Variants in SPAG16 observed in about 807,000 individuals in gnomAD.
SPAG16 encodes the protein sperm-associated antigen 16 protein.
In SPAG16, 86 loss-of-function variants were observed where a neutral mutation model predicts 80.4. That is an observed-to-expected ratio of 1.07 (90% CI 0.90 to 1.28). The LOEUF (loss-of-function observed/expected upper bound fraction) is 1.28. Ranked by LOEUF, SPAG16 falls within the 50% of genes most tolerant of loss-of-function variation. The probability of loss-of-function intolerance (pLI) is 0.00; values close to 1 mark genes in which losing one functional copy is unlikely to be tolerated. For synonymous variants in SPAG16, 294 were observed against 265.9 expected, an observed-to-expected ratio of 1.11 and a Z score of -1.03; for missense variants, 870 against 765.3, an observed-to-expected ratio of 1.14 and a Z score of -1.61.
chr2:213,645,400 C>A (rs2062783225), intron 10 of SPAG16, among the ~76,000 whole-genome samples: 1 of 152,116 alleles, frequency 6.6e-6, no homozygotes, highest in African/African-American at 2.4e-5. Context: ...TCACCCAAAG[C>A]CCTTGATGCA....
chr2:214,170,112 C>T (rs1394008283), intron 15 of SPAG16, among the ~76,000 whole-genome samples: 1 of 151,636 alleles, frequency 6.6e-6, no homozygotes, highest in African/African-American at 2.4e-5. Flanking sequence ...GTTCAGTTAG[C>T]AAAAATATCA....
intron 15 of SPAG16, among the ~76,000 whole-genome samples, chr2:214,323,461 A>G (rs987428726): frequency 1.3e-5 from 2 of 152,204 alleles, no homozygotes; most frequent in Admixed American, 6.5e-5. Context: ...AATAGGACAT[A>G]TTTTAACTAC....
chr2:214,257,200 TA>T (rs550956823), intron 15 of SPAG16, among the ~76,000 whole-genome samples: 130 of 151,776 alleles, frequency 8.6e-4, no homozygotes, highest in African/African-American at 2.5e-3. Context: ...GCTGCTAGTA[TA>T]AAAAAAATGT....
intron 10 of SPAG16, among the ~76,000 whole-genome samples, chr2:213,770,622 C>A (rs1193860657): frequency 2.6e-5 from 4 of 152,046 alleles, no homozygotes; most frequent in Non-Finnish European, 5.9e-5. Flanking sequence ...CCCCTAACAC[C>A]CCCTTGACAG....
intron 11 of SPAG16, among the ~76,000 whole-genome samples, chr2:213,879,404 C>T (rs62192605): frequency 0.59 from 88,989 of 150,022 alleles, 28,167 homozygotes; most frequent in South Asian, 0.85. Context: ...TGTGTATATA[C>T]ATATACACAC....
intron 15 of SPAG16, among the ~76,000 whole-genome samples, chr2:214,290,928 C>T (rs1056139431): frequency 1.3e-5 from 2 of 152,102 alleles, no homozygotes; most frequent in South Asian, 4.1e-4. Context: ...TCTACTGTTT[C>T]TATTAAAAGT....
intron 10 of SPAG16, among the ~76,000 whole-genome samples, chr2:213,695,345 G>T (rs2065115114): frequency 6.6e-6 from 1 of 152,126 alleles, no homozygotes. Flanking sequence ...CTATGTTCAG[G>T]ATAATTCCTT....
chr2:214,187,695 A>G (rs187619935), intron 15 of SPAG16, among the ~76,000 whole-genome samples: 1 of 152,232 alleles, frequency 6.6e-6, no homozygotes, highest in African/African-American at 2.4e-5. Context: ...AACAAACCTC[A>G]GGTTAAGACA....
chr2:213,287,447 T>C (rs2062095837), intron 1 of SPAG16, among the ~76,000 whole-genome samples: 1 of 152,226 alleles, frequency 6.6e-6, no homozygotes, highest in Non-Finnish European at 1.5e-5. Flanking sequence ...ATTGACTTTG[T>C]TGTTCCTTGT....
intron 10 of SPAG16, among the ~76,000 whole-genome samples, chr2:213,769,169 G>A (rs528570660): frequency 1.3e-5 from 2 of 152,298 alleles, no homozygotes; most frequent in African/African-American, 4.8e-5. Context: ...GTTGAATGAG[G>A]AATTGGGGTG....
At chr2:213,498,858 G>T (rs1400202122) in intron 10 of SPAG16, among the ~76,000 whole-genome samples, 3 of 152,018 alleles carry the variant, frequency 2.0e-5, no homozygotes, top group Non-Finnish European at 4.4e-5. Context: ...TGTCCAAAAT[G>T]AGTTGTTCAG....
chr2:214,173,993 G>T (rs1423680709), intron 15 of SPAG16, among the ~76,000 whole-genome samples: 1 of 151,924 alleles, frequency 6.6e-6, no homozygotes, highest in Non-Finnish European at 1.5e-5. Context: ...TATCTCAATA[G>T]ATGCAGAAAA....
At chr2:214,003,223 A>T (rs2046875255) in intron 12 of SPAG16, among the ~76,000 whole-genome samples, 1 of 152,226 alleles carries the variant, frequency 6.6e-6, no homozygotes, top group African/African-American at 2.4e-5. Flanking sequence ...ACAGAAATGG[A>T]CTTATCTGAC....
chr2:213,601,580 A>G (rs1170799285), intron 10 of SPAG16, among the ~76,000 whole-genome samples: 2 of 152,232 alleles, frequency 1.3e-5, no homozygotes, highest in Admixed American at 6.5e-5. Context: ...GTAAAAAAGT[A>G]TGATCAACTC....
chr2:213,788,636 A>G (rs924508715), intron 10 of SPAG16, among the ~76,000 whole-genome samples: 5 of 151,942 alleles, frequency 3.3e-5, no homozygotes, highest in Admixed American at 2.0e-4. Flanking sequence ...CTGATATGCT[A>G]AATTTCACAG....
intron 10 of SPAG16, among the ~76,000 whole-genome samples, chr2:213,528,602 T>C (rs766879134): frequency 2.6e-5 from 4 of 152,108 alleles, no homozygotes; most frequent in Admixed American, 6.6e-5. Context: ...CTACTGAAGA[T>C]ATTTTAAGTA....
chr2:213,314,431 C>T (rs1476871748), intron 4 of SPAG16, among the ~76,000 whole-genome samples: 2 of 151,634 alleles, frequency 1.3e-5, no homozygotes, highest in Non-Finnish European at 3.0e-5. Context: ...CAAACTGAAG[C>T]AAACCACAAA....
At chr2:213,935,179 GC>G (rs1257668985) in intron 12 of SPAG16, among the ~76,000 whole-genome samples, 1 of 143,614 alleles carries the variant, frequency 7.0e-6, no homozygotes, top group East Asian at 2.0e-4. Flanking sequence ...TCCAGCCTGG[GC>G]AACAGAGTGA....
intron 10 of SPAG16, among the ~76,000 whole-genome samples, chr2:213,658,194 C>T (rs116401789): frequency 1.3e-5 from 2 of 151,098 alleles, no homozygotes; most frequent in African/African-American, 4.9e-5. Flanking sequence ...AAGCCTACTC[C>T]AGTCTCATCT....
Sources: allele counts gnomAD v4.1 joint callset (sites outside exome capture counted in the v4.1 genomes callset), GRCh38; gene constraint gnomAD v4.1.1; transcripts MANE v1.5; gene names NCBI Gene and HGNC (gene_info 2026-07-23, HGNC 2026-07-21).